ZNF461: variants seen among roughly 807,000 people sequenced by gnomAD.
ZNF461 encodes the protein gonadotropin-inducible ovarian transcription factor-1.
A neutral mutation model predicts 18.3 loss-of-function variants in ZNF461; 16 were observed. The observed-to-expected ratio is 0.88, with a 90% CI of 0.59 to 1.33. The LOEUF is 1.33. ZNF461 is among the 40% of genes most tolerant of loss of function. The pLI, the probability that ZNF461 is intolerant of heterozygous loss-of-function variation, is 0.00. For synonymous variants in ZNF461, 179 were observed against 216.9 expected (o/e 0.83, Z 1.54); for missense variants, 595 against 669.9 (o/e 0.89, Z 1.23).
At chr19:36,646,788 CTT>C (rs1327829217) in intron 4 of ZNF461, among the ~76,000 whole-genome samples, 4 of 148,558 alleles carry the variant, frequency 2.7e-5, no homozygotes, top group African/African-American at 1.0e-4. Context: ...AACATTGCCA[CTT>C]TTCACAATAA....
intron 5 of ZNF461, among the ~76,000 whole-genome samples, chr19:36,642,762 G>A (rs1036097140): frequency 6.0e-5 from 9 of 148,994 alleles, no homozygotes; most frequent in African/African-American, 2.0e-4. Flanking sequence ...GTTTTTGGTG[G>A]GGGGGGGTGG....
At position 36,639,825 on chromosome 19, in the gene ZNF461, T is replaced by TG. The variant is rs1422181458; in HGVS notation, c.519dup (p.Ile174HisfsTer3). 1.2e-6 allele frequency: 2 copies of TG among 1,613,784 alleles called. No individual in the cohort carries two copies. The highest frequency in any genetic ancestry group is 2.7e-5 in the African/African-American group (2 of 74,936). On this transcript the variant is annotated frameshift_variant, in exon 6 of 6. Transcript: ENST00000588268. LOFTEE classifies it low-confidence loss of function (END_TRUNC). ...GTGAGTAAAGTATGTTGGCTAAAAA[T>TG]GGGCATGTTTTCATGGTTAATCATA...
chr19:36,641,704 A>G (rs1205698702), intron 5 of ZNF461, among the ~76,000 whole-genome samples: 4 of 151,960 alleles, frequency 2.6e-5, no homozygotes. Flanking sequence ...GAGAAACAAT[A>G]CAAAGATAAC....
chr19:36,652,320 C>T (rs569859348), intron 4 of ZNF461, among the ~76,000 whole-genome samples: 36 of 148,812 alleles, frequency 2.4e-4, no homozygotes, highest in African/African-American at 4.9e-4. Context: ...GGTGAAACCC[C>T]GCCTCTACTA....
At chr19:36,652,329 T>TAA (rs112406782) in intron 4 of ZNF461, among the ~76,000 whole-genome samples, 51 of 138,896 alleles carry the variant, frequency 3.7e-4, no homozygotes, top group East Asian at 6.3e-4. Flanking sequence ...CCGCCTCTAC[T>TAA]AAAAAAAAAA....
At chr19:36,658,241 T>C (rs2037757717) in intron 3 of ZNF461, 58 bp downstream of exon 3, 5 of 1,535,964 alleles carry the variant, frequency 3.3e-6, no homozygotes, top group Non-Finnish European at 4.4e-6. Context: ...AAGAAGTAGA[T>C]TGTGAATTGT....
chr19:36,663,667 A>G (rs185783255), intron 2 of ZNF461, among the ~76,000 whole-genome samples: 108 of 151,994 alleles, frequency 7.1e-4, no homozygotes, highest in African/African-American at 2.4e-3. Flanking sequence ...CTAGGACTAC[A>G]GGTGCACACA....
At chr19:36,661,622 CTTAAAAATTAA>C (rs1197518846) in intron 2 of ZNF461, among the ~76,000 whole-genome samples, 3 of 142,320 alleles carry the variant, frequency 2.1e-5, no homozygotes, top group Admixed American at 6.7e-5. Context: ...GACACTAAAA[CTTAAAAATTAA>C]TTAAAAATTA....
intron 4 of ZNF461, among the ~76,000 whole-genome samples, chr19:36,646,605 T>C (rs1187371709): frequency 6.6e-6 from 1 of 152,196 alleles, no homozygotes; most frequent in Non-Finnish European, 1.5e-5. Flanking sequence ...GGAGCAATAT[T>C]TTCCAAATAA....
At chr19:36,656,016 GA>G (rs372140140) in intron 4 of ZNF461, among the ~76,000 whole-genome samples, 12,656 of 45,474 alleles carry the variant, frequency 0.28, 666 homozygotes, top group Middle Eastern at 0.41. Context: ...TTTTTTTTTT[GA>G]GACGGAGTCT....
intron 4 of ZNF461, among the ~76,000 whole-genome samples, chr19:36,644,983 C>T (rs1225445578): frequency 6.6e-6 from 1 of 152,084 alleles, no homozygotes; most frequent in African/African-American, 2.4e-5. Flanking sequence ...CTTTGGGAGG[C>T]TGAGATGGGA....
Position 36,637,554 on chromosome 19 carries a change from G to A in ZNF461, c.*1099C>T, listed in dbSNP as rs1048421369. ...AAGAATAAATATAGCTTATTGGCCG[G>A]GCATAGTGGCTGCGCATGCCTGTAG... On this transcript the variant is annotated 3_prime_UTR_variant, in exon 6 of 6. Transcript: ENST00000588268. 2 of 177,390 alleles carry A rather than the reference G, an allele frequency of 1.1e-5. No homozygotes were observed. The highest frequency in any genetic ancestry group is 2.4e-5 in the Non-Finnish European group (2 of 83,468). 11.0% of individuals were successfully genotyped at this position (177,390 alleles called of 1,614,324 possible).
intron 4 of ZNF461, among the ~76,000 whole-genome samples, chr19:36,646,492 T>TA (rs1464641999): frequency 1.3e-5 from 2 of 152,168 alleles, no homozygotes; most frequent in Non-Finnish European, 2.9e-5. Flanking sequence ...TCCAAATACT[T>TA]AAAGACTTAC....
intron 4 of ZNF461, 73 bp from the exon 5 acceptor site, chr19:36,643,935 ATTTC>A: frequency 1.6e-6 from 2 of 1,225,796 alleles, no homozygotes; most frequent in East Asian, 3.0e-5. Context: ...GAGAATATCT[ATTTC>A]TTTTTCTTTT....
At chr19:36,654,152 C>A (rs960198298) in intron 4 of ZNF461, among the ~76,000 whole-genome samples, 3 of 151,870 alleles carry the variant, frequency 2.0e-5, no homozygotes, top group African/African-American at 4.8e-5. Flanking sequence ...AATAAAAAGT[C>A]TTTTTTTAAA....
At chr19:36,658,701 C>A (rs761155942) in intron 2 of ZNF461, 1 of 304,842 alleles carries the variant, frequency 3.3e-6, no homozygotes, top group Non-Finnish European at 5.9e-6. Flanking sequence ...TAGAGGCTCC[C>A]AATTAAATTA....
At chr19:36,666,103 T>G (rs1362731812) in intron 1 of ZNF461, among the ~76,000 whole-genome samples, 4 of 151,606 alleles carry the variant, frequency 2.6e-5, no homozygotes, top group African/African-American at 9.7e-5. Context: ...TTGTTTTTTT[T>G]TTTTTGAGAC....
intron 4 of ZNF461, among the ~76,000 whole-genome samples, chr19:36,647,496 G>A (rs549224092): frequency 7.9e-5 from 12 of 152,016 alleles, no homozygotes; most frequent in Admixed American, 2.0e-4. Context: ...GCTGAGATGC[G>A]CCAGTGCACT....
chr19:36,656,227 T>A (rs939902052), intron 4 of ZNF461, among the ~76,000 whole-genome samples: 4 of 152,080 alleles, frequency 2.6e-5, no homozygotes, highest in Admixed American at 1.3e-4. Flanking sequence ...CCTCGTGATC[T>A]GCCCGCCTCG....
Sources: gnomAD v4.1 joint callset for allele counts (sites outside exome capture counted in the v4.1 genomes callset) on GRCh38, gnomAD v4.1.1 for gene constraint, MANE v1.5 for transcripts, NCBI Gene and HGNC (gene_info 2026-07-23, HGNC 2026-07-21) for gene names.